The following PCBP2 variants were observed in gnomAD, a reference collection of about 807,000 sequenced individuals.
The protein encoded by PCBP2 is poly(rC)-binding protein 2.
A neutral mutation model predicts 50.1 loss-of-function variants in PCBP2; 4 were observed. The ratio of observed to expected loss-of-function variants is 0.08; its 90% CI spans 0.04 to 0.18. The LOEUF (loss-of-function observed/expected upper bound fraction) is 0.18. Ranked by LOEUF, PCBP2 falls within the 10% of genes least tolerant of loss-of-function variation. The probability of loss-of-function intolerance (pLI) is 1.00; values close to 1 mark genes in which losing one functional copy is unlikely to be tolerated. For synonymous variants in PCBP2, 179 were observed against 168.0 expected, an observed-to-expected ratio of 1.07 and a Z score of -0.51; for missense variants, 161 against 474.3, an observed-to-expected ratio of 0.34 and a Z score of 6.14.
chr12:53,454,918 G>A (rs760752489), intron 2 of PCBP2, 49 bp downstream of exon 2: 1 of 1,460,220 alleles, frequency 6.8e-7, no homozygotes, highest in Non-Finnish European at 9.6e-7. Flanking sequence ...TAGGGGAGGG[G>A]CCAGGAAGAG....
chr12:53,465,924 T>G lies in PCBP2; in HGVS notation c.673-8T>G, dbSNP rs779456774. On this transcript the variant is annotated splice_region_variant and splice_polypyrimidine_tract_variant and intron_variant, in intron 9 of 14. Transcript: ENST00000546463. Reference sequence around the variant, plus strand: ...TTTTTAATAGGAACTGTTTTCCTCCTTTTGTAGGCCTATACCATTCAAGGA... The same window carrying G: ...TTTTTAATAGGAACTGTTTTCCTCCGTTTGTAGGCCTATACCATTCAAGGA... 5.6e-6 allele frequency: 9 copies of G among 1,611,156 alleles called. No homozygotes were observed. The highest frequency in any genetic ancestry group is 7.6e-6 in the Non-Finnish European group (9 of 1,177,762).
intron 11 of PCBP2, chr12:53,467,505 G>T (rs1941903760): frequency 9.5e-6 from 6 of 629,400 alleles, no homozygotes; most frequent in Non-Finnish European, 1.7e-5. Context: ...GAAAAAAAAA[G>T]CCCTGGAAGG....
intron 14 of PCBP2, among the ~76,000 whole-genome samples, chr12:53,474,166 T>C (rs1331074706): frequency 1.3e-5 from 2 of 152,250 alleles, no homozygotes; most frequent in Non-Finnish European, 2.9e-5. Flanking sequence ...TTTCCACTTC[T>C]GAAAGGTCCA....
At chr12:53,478,444 G>A (rs577240389) in intron 14 of PCBP2, among the ~76,000 whole-genome samples, 1 of 152,174 alleles carries the variant, frequency 6.6e-6, no homozygotes, top group Admixed American at 6.5e-5. Flanking sequence ...GGAGGCAGGG[G>A]TTGCAGTGAG....
At chr12:53,466,444 A>G (rs1941831429) in intron 10 of PCBP2, among the ~76,000 whole-genome samples, 1 of 152,226 alleles carries the variant, frequency 6.6e-6, no homozygotes, top group Non-Finnish European at 1.5e-5. Flanking sequence ...AGAGAGGGAT[A>G]GGAACCTGAA....
At chr12:53,479,368 C>A in intron 14 of PCBP2, 38 bp from the exon 15 acceptor site, 1 of 1,601,816 alleles carries the variant, frequency 6.2e-7, no homozygotes. Context: ...CAGCTGAGCA[C>A]TGGGGAAACT....
chr12:53,468,496 A>G, intron 12 of PCBP2: 1 of 452,070 alleles, frequency 2.2e-6, no homozygotes. Context: ...AGGATACCAC[A>G]CTCCCTTGCC....
At chr12:53,461,705 C>T (rs1377130181) in intron 7 of PCBP2, among the ~76,000 whole-genome samples, 5 of 151,888 alleles carry the variant, frequency 3.3e-5, no homozygotes, top group African/African-American at 7.3e-5. Context: ...AGAAATGAAA[C>T]GAATTTTTTC....
At chr12:53,467,702 TTTTTA>T in intron 11 of PCBP2, 98 bp from the exon 12 acceptor site, 1 of 949,112 alleles carries the variant, frequency 1.1e-6, no homozygotes, top group Non-Finnish European at 1.7e-6. Context: ...TTTGTTTTTG[TTTTTA>T]TTTTGTTTCG....
chr12:53,468,868 A>G, intron 13 of PCBP2, 36 bp downstream of exon 13: 1 of 1,478,380 alleles, frequency 6.8e-7, no homozygotes, highest in Middle Eastern at 1.7e-4. Context: ...TGAAAATAAG[A>G]AAATAGACTG....
chr12:53,455,309 G>T (rs1303135913), intron 2 of PCBP2, 38 bp from the exon 3 acceptor site: 1 of 1,588,972 alleles, frequency 6.3e-7, no homozygotes, highest in East Asian at 2.2e-5. Flanking sequence ...GAATACTTCT[G>T]AGTTTCCTCT....
chr12:53,463,558 AAT>A (rs1195557087), intron 8 of PCBP2, among the ~76,000 whole-genome samples: 2 of 152,240 alleles, frequency 1.3e-5, no homozygotes, highest in Non-Finnish European at 2.9e-5. Flanking sequence ...AGATGATTAA[AAT>A]ATGTGGGAGG....
At chr12:53,462,614 T>A in intron 8 of PCBP2, 47 bp downstream of exon 8, 2 of 1,501,774 alleles carry the variant, frequency 1.3e-6, no homozygotes, top group Non-Finnish European at 1.8e-6. Context: ...AGATTATATT[T>A]GAAATGTCAA....
intron 6 of PCBP2, chr12:53,460,054 C>G: frequency 4.4e-6 from 1 of 229,766 alleles, no homozygotes; most frequent in Non-Finnish European, 9.2e-6. Context: ...AGCACACTTG[C>G]TTGCCTGCAG....
chr12:53,467,681 T>G (rs927315200), intron 11 of PCBP2, 124 bp from the exon 12 acceptor site: 2 of 808,582 alleles, frequency 2.5e-6, no homozygotes, highest in Non-Finnish European at 4.2e-6. Flanking sequence ...TTGTGTAGTG[T>G]TTTTTTTGTT....
At chr12:53,471,895 C>A (rs1266223957) in intron 14 of PCBP2, 88 bp downstream of exon 14, 2 of 1,085,106 alleles carry the variant, frequency 1.8e-6, no homozygotes, top group Admixed American at 2.8e-5. Context: ...TATGGGATTA[C>A]ATGGGCGATG....
At chr12:53,457,349 G>T (rs1327376287) in intron 5 of PCBP2, among the ~76,000 whole-genome samples, 1 of 152,132 alleles carries the variant, frequency 6.6e-6, no homozygotes, top group African/African-American at 2.4e-5. Context: ...ACCATGCCCA[G>T]CCTGGAATTT....
At chr12:53,477,677 A>AC (rs1270656104) in intron 14 of PCBP2, among the ~76,000 whole-genome samples, 42 of 137,298 alleles carry the variant, frequency 3.1e-4, no homozygotes, top group Admixed American at 7.0e-4. Context: ...AAAAAAAAAA[A>AC]AAAAAAAAAA....
rs375956167 is a variant in PCBP2, at chr12:53,472,007, G to T, written c.1052+200G>T. ...CAGTAAGTTTTCAAGGGGTTGGTGG[G>T]GGGGGGAGCACAGATTGCCCGCATT... On this transcript the variant is annotated intron_variant, in intron 14 of 14. Transcript: ENST00000546463. Among the ~76,000 whole-genome samples, 18 of 150,138 alleles carry T rather than the reference G, an allele frequency of 1.2e-4. No homozygotes were observed. The South Asian group carries it at 2.0e-3, about 17-fold the overall frequency.
Sources: gnomAD v4.1 joint callset for allele counts (sites outside exome capture counted in the v4.1 genomes callset) on GRCh38, gnomAD v4.1.1 for gene constraint, MANE v1.5 for transcripts, NCBI Gene and HGNC (gene_info 2026-07-23, HGNC 2026-07-21) for gene names.